RBFOX1: variants seen among roughly 807,000 people sequenced by gnomAD.
RBFOX1 encodes the protein RNA binding fox-1 homolog 1, also known as RNA binding protein fox-1 homolog 1.
RBFOX1 carries 8 observed loss-of-function variants against 57.7 expected under a neutral mutation model. The observed-to-expected ratio is 0.14, with a 90% CI of 0.08 to 0.25. The LOEUF is 0.25. RBFOX1 is among the 10% of genes least tolerant of loss of function. The probability of loss-of-function intolerance (pLI) is 1.00; values close to 1 mark genes in which losing one functional copy is unlikely to be tolerated. For synonymous variants in RBFOX1, 326 were observed against 222.4 expected (o/e 1.47, Z -4.15); for missense variants, 611 against 548.5 (o/e 1.11, Z -1.14).
chr16:6,109,254 A>G (rs2096416692), intron 1 of RBFOX1, among the ~76,000 whole-genome samples: 1 of 152,182 alleles, frequency 6.6e-6, no homozygotes, highest in East Asian at 1.9e-4. Flanking sequence ...GCCTGCAGTG[A>G]AAAGCATTTC....
chr16:6,007,264 A>C (rs2094933119), intron 4 of RBFOX1, among the ~76,000 whole-genome samples: 1 of 152,216 alleles, frequency 6.6e-6, no homozygotes, highest in Non-Finnish European at 1.5e-5. Context: ...CATAAGAAGA[A>C]GTCAGTTTCC....
At chr16:7,288,648 C>T (rs2095697991) in intron 4 of RBFOX1, among the ~76,000 whole-genome samples, 1 of 152,160 alleles carries the variant, frequency 6.6e-6, no homozygotes, top group Non-Finnish European at 1.5e-5. Flanking sequence ...CGAGACCAGC[C>T]TGGCCAACAT....
At chr16:5,773,706 T>C (rs1455224239) in intron 3 of RBFOX1, among the ~76,000 whole-genome samples, 1 of 152,166 alleles carries the variant, frequency 6.6e-6, no homozygotes, top group Non-Finnish European at 1.5e-5. Context: ...TTTTATTTTA[T>C]TTTATTTTTG....
chr16:6,313,445 T>C (rs1189029857), intron 1 of RBFOX1, among the ~76,000 whole-genome samples: 3 of 152,184 alleles, frequency 2.0e-5, no homozygotes, highest in African/African-American at 7.2e-5. Flanking sequence ...AAGCAGTTCA[T>C]GGCAGAATCT....
intron 1 of RBFOX1, among the ~76,000 whole-genome samples, chr16:6,207,401 C>T (rs149107182): frequency 5.9e-5 from 9 of 152,174 alleles, no homozygotes; most frequent in East Asian, 1.9e-4. Flanking sequence ...AGAAGCTAAA[C>T]GACAAGATTA....
chr16:7,605,068 T>C (rs975138387), intron 9 of RBFOX1, among the ~76,000 whole-genome samples: 3 of 152,182 alleles, frequency 2.0e-5, no homozygotes, highest in African/African-American at 7.2e-5. Flanking sequence ...ATTAAATATG[T>C]CTGCAGCTTT....
chr16:6,196,097 A>T (rs374260289), intron 1 of RBFOX1, among the ~76,000 whole-genome samples: 4 of 152,216 alleles, frequency 2.6e-5, no homozygotes, highest in African/African-American at 9.6e-5. Flanking sequence ...TACTGGGTCA[A>T]GTGCTTTGCA....
intron 4 of RBFOX1, among the ~76,000 whole-genome samples, chr16:7,364,702 T>G (rs2146907687): frequency 6.6e-6 from 1 of 152,228 alleles, no homozygotes; most frequent in African/African-American, 2.4e-5. Context: ...TTTTCTATCA[T>G]CAGATCTCTC....
chr16:5,653,844 C>T lies in RBFOX1; in HGVS notation c.318+54883C>T, dbSNP rs1023134380. On this transcript the variant is annotated intron_variant, in intron 3 of 19. Coordinates refer to the RBFOX1 transcript ENST00000641259. ...TAGAATGGATGCTGGGTCAGGGGTCCGTGGCAAACTCAGCCAAGACCAGTG... is the reference window on the plus strand; with the variant it reads ...TAGAATGGATGCTGGGTCAGGGGTCTGTGGCAAACTCAGCCAAGACCAGTG... 6.6e-5 allele frequency among the ~76,000 whole-genome samples: 10 copies of T among 152,276 alleles called. No individual in the cohort carries two copies. The East Asian group carries it at 1.2e-3, about 18-fold the overall frequency.
At chr16:6,073,482 C>G (rs2095860381) in intron 1 of RBFOX1, among the ~76,000 whole-genome samples, 1 of 152,042 alleles carries the variant, frequency 6.6e-6, no homozygotes, top group Non-Finnish European at 1.5e-5. Context: ...ATTATTTTTT[C>G]CAAGTGTATG....
At chr16:7,455,695 G>T (rs905447543) in intron 4 of RBFOX1, among the ~76,000 whole-genome samples, 5 of 147,952 alleles carry the variant, frequency 3.4e-5, no homozygotes, top group East Asian at 2.0e-4. Context: ...GCTGAGGTGG[G>T]AGAATTGCTT....
rs891519778 is a variant in RBFOX1 at position 7,171,162 on chromosome 16, C to T, written c.27+119064C>T. Among the ~76,000 whole-genome samples the T allele has an allele frequency of 4.1e-4, 63 of 152,206 alleles. 1 individual carries two copies. The highest frequency in any genetic ancestry group is 2.0e-4 in the Admixed American group (3 of 15,282). On this transcript the variant is annotated intron_variant, in intron 4 of 15. Coordinates refer to ENST00000550418, the MANE Select transcript of RBFOX1 (RefSeq NM_018723.4). Reference sequence around the variant, plus strand: ...GGCCTTACTTGCCACCATTGCCAGTCGGCAATTGGCGAGGAGCTGCACAAA... The same window carrying T: ...GGCCTTACTTGCCACCATTGCCAGTTGGCAATTGGCGAGGAGCTGCACAAA...
At chr16:5,941,765 C>T (rs1429772941) in intron 4 of RBFOX1, among the ~76,000 whole-genome samples, 1 of 152,028 alleles carries the variant, frequency 6.6e-6, no homozygotes, top group Non-Finnish European at 1.5e-5. Context: ...ACTAAAACCT[C>T]TTCCCGTGAG....
chr16:6,787,788 T>C (rs1021116945), intron 3 of RBFOX1, among the ~76,000 whole-genome samples: 2 of 152,230 alleles, frequency 1.3e-5, no homozygotes, highest in Non-Finnish European at 1.5e-5. Flanking sequence ...GGACTTAGTC[T>C]TCCTCCATAA....
chr16:7,516,649 T>A (rs2076419702), intron 4 of RBFOX1, among the ~76,000 whole-genome samples: 1 of 152,208 alleles, frequency 6.6e-6, no homozygotes, highest in Non-Finnish European at 1.5e-5. Flanking sequence ...GCCCTTTTGT[T>A]TCCAGTGGCA....
At chr16:5,915,808 G>A (rs2058692637) in intron 4 of RBFOX1, among the ~76,000 whole-genome samples, 2 of 152,006 alleles carry the variant, frequency 1.3e-5, no homozygotes, top group South Asian at 4.1e-4. Context: ...CTCCAGCCTG[G>A]GTGACAGGGC....
intron 4 of RBFOX1, among the ~76,000 whole-genome samples, chr16:5,981,327 A>AC (rs1225175606): frequency 2.3e-4 from 35 of 152,294 alleles, no homozygotes; most frequent in African/African-American, 8.2e-4. Flanking sequence ...GCCCCTGGGG[A>AC]CACAGGTTCT....
chr16:6,727,911 C>T (rs894852775), intron 3 of RBFOX1, among the ~76,000 whole-genome samples: 2 of 152,138 alleles, frequency 1.3e-5, no homozygotes, highest in African/African-American at 4.8e-5. Context: ...ATCATACAGC[C>T]TGTTTTGGAA....
chr16:7,213,897 C>T (rs370512187), intron 4 of RBFOX1, among the ~76,000 whole-genome samples: 48 of 152,154 alleles, frequency 3.2e-4, no homozygotes, highest in African/African-American at 1.0e-3. Context: ...GAGGGCTTTG[C>T]CAGCCAGAGG....
Sources: allele counts gnomAD v4.1 joint callset (sites outside exome capture counted in the v4.1 genomes callset), GRCh38; gene constraint gnomAD v4.1.1; transcripts MANE v1.5; gene names NCBI Gene and HGNC (gene_info 2026-07-23, HGNC 2026-07-21).